Variants in IGF1R observed in about 807,000 individuals in gnomAD.
IGF1R encodes the protein insulin like growth factor 1 receptor, also known as insulin-like growth factor 1 receptor.
Under a neutral mutation model 144.6 loss-of-function variants are expected in IGF1R, and 44 were observed. That is an observed-to-expected ratio of 0.30 (90% CI 0.24 to 0.39). The LOEUF (loss-of-function observed/expected upper bound fraction) is 0.39, where lower values mean the gene tolerates loss of function less well. Ranked by LOEUF, IGF1R falls within the 10% of genes least tolerant of loss-of-function variation. The probability of loss-of-function intolerance (pLI) is 1.00; values close to 1 mark genes in which losing one functional copy is unlikely to be tolerated. For synonymous variants in IGF1R, 795 were observed against 722.8 expected, an observed-to-expected ratio of 1.10 and a Z score of -1.60; for missense variants, 1,355 against 1,833.7, an observed-to-expected ratio of 0.74 and a Z score of 4.77.
intron 2 of IGF1R, among the ~76,000 whole-genome samples, chr15:98,711,284 G>C (rs751596144): frequency 6.6e-6 from 1 of 152,210 alleles, no homozygotes; most frequent in South Asian, 2.1e-4. Context: ...GTAATCTTCT[G>C]TTGGCTGGCT....
chr15:98,788,272 G>A (rs761532347), intron 2 of IGF1R, among the ~76,000 whole-genome samples: 45 of 152,166 alleles, frequency 3.0e-4, no homozygotes, highest in Admixed American at 9.2e-4. Context: ...TGTGGTTTCT[G>A]TAGTTCTGGG....
chr15:98,772,112 A>C (rs889234606), intron 2 of IGF1R, among the ~76,000 whole-genome samples: 1 of 152,138 alleles, frequency 6.6e-6, no homozygotes, highest in East Asian at 1.9e-4. Context: ...AGAGAATTCT[A>C]ATTGAAGTAA....
At position 98,649,592 on chromosome 15, in the gene IGF1R, G is replaced by C. The variant is rs1485971955; in HGVS notation, c.11G>C (p.Gly4Ala). 2 of 1,593,936 alleles carry C rather than the reference G, an allele frequency of 1.3e-6. No homozygotes were observed. Among genetic ancestry groups the C allele is most frequent in the African/African-American group, 1.4e-5 (1 of 73,342 alleles). The change falls in exon 1 of 21, where the codon GGC (glycine) becomes GCC (alanine). Residue 4 changes from glycine (G) to alanine (A), a missense_variant. Around this residue, in one of 7 missense-constraint regions of IGF1R, gnomAD observed 49 missense variants for 34.7 expected, o/e 1.41. Transcript: ENST00000650285. ...TCCCAAATAAAAGGAATGAAGTCTG[G>C]CTCCGGAGGAGGGTCCCCGACCTCG... MKS[G>A]SGGGSPTSLW...
intron 2 of IGF1R, among the ~76,000 whole-genome samples, chr15:98,811,398 C>T (rs1247309217): frequency 2.0e-5 from 3 of 149,864 alleles, no homozygotes; most frequent in East Asian, 2.0e-4. Flanking sequence ...GGCGTGGTTG[C>T]GGGCGCCTGT....
chr15:98,763,044 CAA>C (rs58091658), intron 2 of IGF1R, among the ~76,000 whole-genome samples: 79,492 of 134,564 alleles, frequency 0.59, 24,273 homozygotes, highest in Non-Finnish European at 0.7. Context: ...GGTTCCATCT[CAA>C]AAAAAAAAAA....
At chr15:98,738,638 G>A (rs749915579) in intron 2 of IGF1R, among the ~76,000 whole-genome samples, 1 of 152,190 alleles carries the variant, frequency 6.6e-6, no homozygotes, top group Non-Finnish European at 1.5e-5. Context: ...TAGGATTTGT[G>A]TGGCTAAATC....
In IGF1R at chr15:98,916,064, C is replaced by T. The variant is rs376687886; in HGVS notation, c.1929C>T (p.Tyr643=). 1.7e-5 allele frequency: 27 copies of T among 1,614,090 alleles called. No individual in the cohort carries two copies. The highest frequency in any genetic ancestry group is 2.3e-5 in the Non-Finnish European group (27 of 1,180,042). ...PPSLPNGNLS[Y]YIVRWQRQPQ... is the part of the protein sequence containing the mutation. ...CTCTGCCCAACGGCAACCTGAGTTA[C>T]TACATTGTGCGCTGGCAGCGGCAGC... Residue 643 remains tyrosine, a synonymous_variant, in exon 9 of 21, where the codon TAC becomes TAT. Transcript: ENST00000650285.
chr15:98,761,024 T>C (rs1282654625), intron 2 of IGF1R, among the ~76,000 whole-genome samples: 1 of 152,262 alleles, frequency 6.6e-6, no homozygotes, highest in Non-Finnish European at 1.5e-5. Flanking sequence ...CAGAGCTTTG[T>C]AGATTGTTGT....
chr15:98,846,422 T>C (rs2011330103), intron 2 of IGF1R, among the ~76,000 whole-genome samples: 1 of 152,212 alleles, frequency 6.6e-6, no homozygotes, highest in Non-Finnish European at 1.5e-5. Flanking sequence ...AGGAGCAATA[T>C]AGGCAAGCTT....
intron 1 of IGF1R, among the ~76,000 whole-genome samples, chr15:98,688,148 G>A (rs1190096651): frequency 2.0e-5 from 3 of 152,158 alleles, no homozygotes; most frequent in African/African-American, 7.2e-5. Flanking sequence ...GCTCTCTGGT[G>A]ATCTGAACCT....
In IGF1R at chr15:98,957,319, C is replaced by G. The variant is rs757040972; in HGVS notation, c.3981C>G (p.Asn1327Lys). The G allele has an allele frequency of 6.2e-7, 1 of 1,612,190 alleles. No individual in the cohort carries two copies. The highest frequency in any genetic ancestry group is 8.5e-7 in the Non-Finnish European group (1 of 1,178,776). Residue 1327 changes from asparagine (N) to lysine (K), a missense_variant, in exon 21 of 21, where the codon AAC (asparagine) becomes AAG (lysine). This residue lies in a region of IGF1R where 219 missense variants were observed against 188.8 expected (regional missense o/e 1.16). Coordinates refer to ENST00000650285, the MANE Select transcript of IGF1R (RefSeq NM_000875.5). ...PDRHSGHKAE[N>K]GPGPGVLVLR... The stretch of plus-strand genomic sequence containing the variant: ...GACACTCAGGACACAAGGCCGAGAA[C>G]GGCCCCGGCCCTGGGGTGCTGGTCC...
Position 98,963,942 on chromosome 15 carries a change from TAGG to T in IGF1R, c.*6503_*6505del, listed in dbSNP as rs2017326785. The T allele has an allele frequency of 4.3e-6, 1 of 233,220 alleles. No individual in the cohort carries two copies. Among genetic ancestry groups the T allele is most frequent in the Admixed American group, 5.6e-5 (1 of 17,782 alleles). The allele number at this position is 233,220 out of a possible 1,614,324, so 14.4% of individuals were successfully genotyped here. On this transcript the variant is annotated 3_prime_UTR_variant, in exon 21 of 21. Transcript: ENST00000650285. ...AAACACCTGGGGTTTTTGCGCTACA[TAGG>T]AGAAAGATCTGGAAACTATTTGGGT...
intron 5 of IGF1R, among the ~76,000 whole-genome samples, chr15:98,906,914 T>C (rs1373985793): frequency 6.6e-6 from 1 of 152,182 alleles, no homozygotes; most frequent in Non-Finnish European, 1.5e-5. Context: ...GACTCCAACC[T>C]CCACCCCCAG....
intron 2 of IGF1R, among the ~76,000 whole-genome samples, chr15:98,736,845 C>G (rs2054622163): frequency 6.6e-6 from 1 of 152,098 alleles, no homozygotes; most frequent in African/African-American, 2.4e-5. Context: ...CTCTTAAGCT[C>G]AGGCAATCCG....
intron 2 of IGF1R, among the ~76,000 whole-genome samples, chr15:98,886,619 T>C (rs536373253): frequency 1.3e-5 from 2 of 152,168 alleles, no homozygotes; most frequent in African/African-American, 4.8e-5. Context: ...TCCCTTCCTT[T>C]CCCCCATAGC....
chr15:98,810,724 A>G (rs933560629), intron 2 of IGF1R, among the ~76,000 whole-genome samples: 3 of 150,748 alleles, frequency 2.0e-5, no homozygotes, highest in Non-Finnish European at 4.4e-5. Context: ...TATTTTTCGT[A>G]TTTTTAGTAG....
In IGF1R at chr15:98,922,133, C is replaced by T. The variant is rs755528527; in HGVS notation, c.2202-15C>T. The stretch of plus-strand genomic sequence containing the variant: ...GTAAAAGTACTTAAAAGCCACATTT[C>T]TCTCCTCCTTGCAGACCTGAAAGGA... On this transcript the variant is annotated splice_polypyrimidine_tract_variant and intron_variant, in intron 10 of 20. Coordinates refer to ENST00000650285, the MANE Select transcript of IGF1R (RefSeq NM_000875.5). 3.1e-6 allele frequency: 5 copies of T among 1,613,974 alleles called. No homozygotes were observed. The highest frequency in any genetic ancestry group is 1.7e-5 in the Admixed American group (1 of 60,006).
intron 2 of IGF1R, among the ~76,000 whole-genome samples, chr15:98,743,250 C>A (rs770782872): frequency 3.9e-5 from 6 of 152,064 alleles, no homozygotes; most frequent in Non-Finnish European, 8.8e-5. Context: ...AATGGAAACA[C>A]AATAAACTGT....
intron 2 of IGF1R, among the ~76,000 whole-genome samples, chr15:98,732,749 T>C (rs560030211): frequency 1.3e-4 from 19 of 151,958 alleles, no homozygotes; most frequent in Admixed American, 5.9e-4. Context: ...CAGGGGAGAA[T>C]GTTTGTGCTG....
Sources: gnomAD v4.1 joint callset for allele counts (sites outside exome capture counted in the v4.1 genomes callset) on GRCh38, gnomAD v4.1.1 for gene constraint, gnomAD v4.1.1 regional missense constraint, MANE v1.5 for transcripts, NCBI Gene and HGNC (gene_info 2026-07-23, HGNC 2026-07-21) for gene names.